Variants in ENTPD3 observed in about 807,000 individuals in gnomAD.
ENTPD3 encodes ectonucleoside triphosphate diphosphohydrolase 3.
Under a neutral mutation model 51.2 loss-of-function variants are expected in ENTPD3, and 60 were observed. The ratio of observed to expected loss-of-function variants is 1.17; its 90% CI spans 0.95 to 1.45. The LOEUF is 1.45. Among genes scored for constraint, ENTPD3 ranks in the 40% most tolerant of loss-of-function variants. The pLI is 0.00. For missense variants in ENTPD3, 593 were observed against 641.1 expected (o/e 0.93, Z 0.81); for synonymous variants, 221 against 238.4 (o/e 0.93, Z 0.67).
At chr3:40,411,672 G>A (rs1244918915) in intron 4 of ENTPD3, 140 bp from the exon 5 acceptor site, 16 of 670,206 alleles carry the variant, frequency 2.4e-5, no homozygotes, top group Middle Eastern at 2.8e-4. Context: ...GTGACCATAC[G>A]GGACTTACCA....
At chr3:40,400,873 T>C in intron 3 of ENTPD3, 21 bp from the exon 4 acceptor site, 1 of 1,596,552 alleles carries the variant, frequency 6.3e-7, no homozygotes, top group Non-Finnish European at 8.6e-7. Flanking sequence ...ATTCTGACTC[T>C]CCCTTTCCCT....
chr3:40,399,569 A>C (rs754102245), intron 3 of ENTPD3: 2 of 152,210 alleles, frequency 1.3e-5, no homozygotes, highest in Non-Finnish European at 2.9e-5. Context: ...GTTAACCCAA[A>C]GGTGGTGCGG....
rs752724464 is a variant in ENTPD3, at chr3:40,427,557, G to A, written c.*49G>A. The A allele has an allele frequency of 7.0e-7, 1 of 1,425,014 alleles. No individual in the cohort carries two copies. The highest frequency in any genetic ancestry group is 1.2e-5 in the South Asian group (1 of 86,282). 88.3% of individuals were successfully genotyped at this position (1,425,014 alleles called of 1,614,324 possible). A position where few individuals can be genotyped will look rare whatever the true frequency, so the allele number is the denominator to read the frequency against. Reference sequence around the variant, plus strand: ...CCAATGGCTGCTTAGAGTCAGCCTGGGTGGCACCAGGCAATGCAGGTGAAG... The same window carrying A: ...CCAATGGCTGCTTAGAGTCAGCCTGAGTGGCACCAGGCAATGCAGGTGAAG... On this transcript the variant is annotated 3_prime_UTR_variant, in exon 11 of 11. Transcript: ENST00000301825.
chr3:40,397,728 C>T (rs1955241656), intron 3 of ENTPD3, among the ~76,000 whole-genome samples: 2 of 152,142 alleles, frequency 1.3e-5, no homozygotes, highest in Admixed American at 1.3e-4. Context: ...ACCAAGGAGA[C>T]TGGCCCTTTC....
intron 4 of ENTPD3, 43 bp from the exon 5 acceptor site, chr3:40,411,769 G>T (rs775537583): frequency 6.5e-7 from 1 of 1,530,704 alleles, no homozygotes; most frequent in Non-Finnish European, 8.8e-7. Context: ...CACTGCGATT[G>T]GTTCCTGGAA....
intron 2 of ENTPD3, among the ~76,000 whole-genome samples, chr3:40,388,307 G>A (rs956218642): frequency 3.9e-5 from 6 of 152,126 alleles, no homozygotes; most frequent in Admixed American, 3.3e-4. Flanking sequence ...GGACTAACAT[G>A]CATGTTTCAC....
rs1044120024 is a variant in ENTPD3 at position 40,388,102 on chromosome 3, G to A, written c.40+5G>A. 1.2e-6 allele frequency: 2 copies of A among 1,614,038 alleles called. No individual in the cohort carries two copies. Among genetic ancestry groups the A allele is most frequent in the Non-Finnish European group, 1.7e-6 (2 of 1,180,008 alleles). On this transcript the variant is annotated splice_donor_5th_base_variant and intron_variant, in intron 2 of 10. Transcript: ENST00000301825. ...GCCAACCATGTGAGCAAGCAGGTTA[G>A]TATCTCTCAGCAGGTAGCAAGCGTG...
At chr3:40,388,740 CCAGCCCTAATGA>C (rs1331898842) in intron 2 of ENTPD3, among the ~76,000 whole-genome samples, 1 of 152,154 alleles carries the variant, frequency 6.6e-6, no homozygotes, top group Admixed American at 6.5e-5. Context: ...CCATGTTTGT[CCAGCCCTAATGA>C]CAGCACAGCT....
intron 5 of ENTPD3, among the ~76,000 whole-genome samples, chr3:40,414,254 G>A (rs961868614): frequency 1.3e-5 from 2 of 152,108 alleles, no homozygotes; most frequent in Non-Finnish European, 2.9e-5. Context: ...TTCCTACTAA[G>A]CTCCCTTTCC....
At chr3:40,388,572 G>GCA (rs1426786871) in intron 2 of ENTPD3, among the ~76,000 whole-genome samples, 18 of 94,122 alleles carry the variant, frequency 1.9e-4, no homozygotes, top group Admixed American at 2.8e-4. Flanking sequence ...ACACTGGAAG[G>GCA]CACACACACA....
chr3:40,409,064 C>A (rs550941794), intron 4 of ENTPD3, among the ~76,000 whole-genome samples: 66 of 152,024 alleles, frequency 4.3e-4, no homozygotes, highest in African/African-American at 1.6e-3. Flanking sequence ...ACCAGCCTGG[C>A]CAACATGGTG....
At chr3:40,420,411 AT>A (rs955908083) in intron 7 of ENTPD3, among the ~76,000 whole-genome samples, 4 of 148,082 alleles carry the variant, frequency 2.7e-5, no homozygotes, top group African/African-American at 2.5e-5. Context: ...AATTTTTTCT[AT>A]TTTTTTTTAG....
intron 7 of ENTPD3, among the ~76,000 whole-genome samples, chr3:40,419,150 G>T (rs1469965082): frequency 6.6e-6 from 1 of 151,974 alleles, no homozygotes; most frequent in African/African-American, 2.4e-5. Context: ...ATGGACATCA[G>T]GCTATGTCCT....
At chr3:40,417,249 TAAAG>T (rs1421489355) in intron 7 of ENTPD3, among the ~76,000 whole-genome samples, 2 of 152,170 alleles carry the variant, frequency 1.3e-5, no homozygotes, top group Non-Finnish European at 2.9e-5. Context: ...CACACTACTA[TAAAG>T]AAATACCTGA....
At chr3:40,392,888 A>G (rs1955098288) in intron 3 of ENTPD3, among the ~76,000 whole-genome samples, 1 of 151,958 alleles carries the variant, frequency 6.6e-6, no homozygotes, top group South Asian at 2.1e-4. Context: ...AAAAATCAAG[A>G]ACTTGAGAAG....
At chr3:40,414,592 G>A in intron 5 of ENTPD3, 89 bp from the exon 6 acceptor site, 5 of 1,400,364 alleles carry the variant, frequency 3.6e-6, no homozygotes, top group Non-Finnish European at 4.9e-6. Context: ...GGGAGACGGT[G>A]AAGTTTGCAT....
chr3:40,392,094 G>T lies in ENTPD3; in HGVS notation c.112G>T (p.Val38Leu). The T allele has an allele frequency of 1.2e-6, 2 of 1,614,056 alleles. No homozygotes were observed. The highest frequency in any genetic ancestry group is 1.7e-6 in the Non-Finnish European group (2 of 1,179,900). The change falls in exon 3 of 11, where the codon GTG becomes TTG. Residue 38 changes from valine (V) to leucine (L), a missense_variant. Transcript: ENST00000301825. ...CTTGCTTGTGAGTATTGTGGTACTT[G>T]TGAGTATCACTGTCATCCAGATCCA... Reference protein sequence around the residue: ...VVLLVSIVVLVSITVIQIHKQ... With the variant: ...VVLLVSIVVLLSITVIQIHKQ...
chr3:40,419,466 C>T (rs934634719), intron 7 of ENTPD3, among the ~76,000 whole-genome samples: 12 of 152,106 alleles, frequency 7.9e-5, no homozygotes, highest in African/African-American at 2.7e-4. Context: ...GTTCTACTTG[C>T]AAAAGTCTAT....
chr3:40,417,713 C>T (rs1955779195), intron 7 of ENTPD3, among the ~76,000 whole-genome samples: 1 of 152,194 alleles, frequency 6.6e-6, no homozygotes, highest in Admixed American at 6.5e-5. Flanking sequence ...CACCACTCAT[C>T]CCCACTTGCT....
Sources: gnomAD v4.1 joint callset for allele counts (sites outside exome capture counted in the v4.1 genomes callset) on GRCh38, gnomAD v4.1.1 for gene constraint, MANE v1.5 for transcripts, NCBI Gene and HGNC (gene_info 2026-07-23, HGNC 2026-07-21) for gene names.